Variants in HSPA13 observed in about 807,000 individuals in gnomAD.
The protein encoded by HSPA13 is heat shock 70 kDa protein 13.
A neutral mutation model predicts 38.8 loss-of-function variants in HSPA13; 29 were observed. That is an observed-to-expected ratio of 0.75 (90% CI 0.56 to 1.02). The LOEUF (loss-of-function observed/expected upper bound fraction) is 1.02. Ranked by LOEUF, HSPA13 falls within the 50% of genes least tolerant of loss-of-function variation. The probability of loss-of-function intolerance (pLI) is 0.00; values close to 1 mark genes in which losing one functional copy is unlikely to be tolerated. For missense variants in HSPA13, 451 were observed against 560.9 expected (o/e 0.80, Z 1.98); for synonymous variants, 192 against 205.3 (o/e 0.94, Z 0.56).
intron 3 of HSPA13, among the ~76,000 whole-genome samples, chr21:14,376,289 C>G (rs907609892): frequency 6.6e-6 from 1 of 151,958 alleles, no homozygotes; most frequent in Admixed American, 6.6e-5. Context: ...GGCGGGCGCC[C>G]GTAGTCCCAG....
intron 3 of HSPA13, among the ~76,000 whole-genome samples, chr21:14,376,145 A>G (rs2123523977): frequency 6.6e-6 from 1 of 152,354 alleles, no homozygotes; most frequent in South Asian, 2.1e-4. Flanking sequence ...CTACTTTGGA[A>G]TATATGAGCG....
rs571128314 is a variant in HSPA13, at chr21:14,378,732, G to C, written c.367-320C>G. On this transcript the variant is annotated intron_variant, in intron 2 of 4. Coordinates refer to ENST00000285667, the MANE Select transcript of HSPA13 (RefSeq NM_006948.5). The stretch of plus-strand genomic sequence containing the variant: ...CCTCCTGGGTTCAAGCGATTCTCCT[G>C]CCTCAGCTTCCCAAGTGGCTGGGAG... 3.3e-5 allele frequency among the ~76,000 whole-genome samples: 5 copies of C among 151,704 alleles called. No homozygotes were observed. The East Asian group carries it at 9.7e-4, about 30-fold the overall frequency.
At chr21:14,382,031 T>A (rs1334820108) in intron 1 of HSPA13, among the ~76,000 whole-genome samples, 1 of 152,226 alleles carries the variant, frequency 6.6e-6, no homozygotes, top group Non-Finnish European at 1.5e-5. Context: ...TCTCCTCGTA[T>A]CTCACCTCCT....
At chr21:14,380,344 AAG>A (rs1234248580) in intron 2 of HSPA13, among the ~76,000 whole-genome samples, 1 of 151,944 alleles carries the variant, frequency 6.6e-6, no homozygotes, top group Non-Finnish European at 1.5e-5. Context: ...CACTAAGGAA[AAG>A]AAAAACACAC....
chr21:14,374,336 T>C (rs1568721700), intron 4 of HSPA13, 52 bp from the exon 5 acceptor site: 1 of 1,264,554 alleles, frequency 7.9e-7, no homozygotes, highest in Non-Finnish European at 1.1e-6. Flanking sequence ...TGTGTATGTA[T>C]ACACGTATGT....
At chr21:14,375,554 G>A (rs761491973) in intron 4 of HSPA13, 98 bp downstream of exon 4, 17 of 686,518 alleles carry the variant, frequency 2.5e-5, no homozygotes, top group Non-Finnish European at 4.0e-5. Context: ...GGATGGTCTC[G>A]ATCTCCCCAT....
In HSPA13 at chr21:14,383,059, C is replaced by T. The variant is rs757596002; in HGVS notation, c.25+36G>A. On this transcript the variant is annotated intron_variant, in intron 1 of 4. Transcript: ENST00000285667. ...CTCTGGCATCCTCAGATCGCCTCTA[C>T]GCCCGCAAGAGCAACAAGGACCCCC... is the stretch of plus-strand genomic sequence containing the variant. The T allele has an allele frequency of 6.8e-6, 11 of 1,613,376 alleles. No homozygotes were observed. The East Asian group carries it at 2.5e-4, about 36-fold the overall frequency.
Position 14,372,948 on chromosome 21 carries a change from T to C in HSPA13, c.*669A>G, listed in dbSNP as rs12479. The stretch of plus-strand genomic sequence containing the variant: ...ACTAGAATATAATTGGGTATTTCTA[T>C]TATATGGTGCTGAAACATTTGAATA... On this transcript the variant is annotated 3_prime_UTR_variant, in exon 5 of 5. Coordinates refer to ENST00000285667, the MANE Select transcript of HSPA13 (RefSeq NM_006948.5). 0.76 allele frequency: 115,070 copies of C among 152,112 alleles called. 43,995 individuals carry two copies. Among genetic ancestry groups the C allele is most frequent in the African/African-American group, 0.84 (34,705 of 41,510 alleles). The allele number at this position is 152,112 out of a possible 1,614,324, so 9.4% of individuals were successfully genotyped here.
chr21:14,381,085 G>A, intron 2 of HSPA13, 118 bp downstream of exon 2: 1 of 758,136 alleles, frequency 1.3e-6, no homozygotes, highest in Non-Finnish European at 2.1e-6. Context: ...TGAGATAACA[G>A]AACTTTCATG....
rs769171893 is a variant in HSPA13, at chr21:14,373,747, G to T, written c.1286C>A (p.Ser429Tyr). ...QEFFGKDPNT[S>Y]VDPDLAVVTG... ...TACTACTGCTAGGTCAGGGTCTACAGATGTGTTGGGATCTTTTCCAAAGAA... is the reference window on the plus strand; with the variant it reads ...TACTACTGCTAGGTCAGGGTCTACATATGTGTTGGGATCTTTTCCAAAGAA... Residue 429 changes from serine (S) to tyrosine (Y), a missense_variant, in exon 5 of 5, where the codon TCT becomes TAT. Transcript: ENST00000285667. 2.2e-5 allele frequency: 36 copies of T among 1,614,072 alleles called. No individual in the cohort carries two copies. The highest frequency in any genetic ancestry group is 2.9e-5 in the Non-Finnish European group (34 of 1,180,038).
In HSPA13 at chr21:14,378,416, T is replaced by C. The variant is rs1470954383; in HGVS notation, c.367-4A>G. The C allele has an allele frequency of 3.1e-6, 5 of 1,595,268 alleles. No individual in the cohort carries two copies. Among genetic ancestry groups the C allele is most frequent in the Non-Finnish European group, 3.4e-6 (4 of 1,163,318 alleles). Reference sequence around the variant, plus strand: ...CCATTCCATTTTTGTTTAAAACCTGTGAATAGGATTTGCAAATAAGTAAAT... The same window carrying C: ...CCATTCCATTTTTGTTTAAAACCTGCGAATAGGATTTGCAAATAAGTAAAT... On this transcript the variant is annotated splice_region_variant and splice_polypyrimidine_tract_variant and intron_variant, in intron 2 of 4. Transcript: ENST00000285667.
intron 1 of HSPA13, among the ~76,000 whole-genome samples, chr21:14,381,896 A>G (rs1984179977): frequency 6.6e-6 from 1 of 152,224 alleles, no homozygotes; most frequent in Non-Finnish European, 1.5e-5. Context: ...ATATAATCTA[A>G]TATTCTTGAT....
At chr21:14,379,360 A>T (rs1984111282) in intron 2 of HSPA13, among the ~76,000 whole-genome samples, 1 of 152,212 alleles carries the variant, frequency 6.6e-6, no homozygotes, top group African/African-American at 2.4e-5. Context: ...CTAAGAAATT[A>T]TAAGAATGTT....
At chr21:14,376,149 A>C (rs574149393) in intron 3 of HSPA13, among the ~76,000 whole-genome samples, 83 of 152,350 alleles carry the variant, frequency 5.4e-4, no homozygotes, top group Middle Eastern at 6.8e-3. Flanking sequence ...TTTGGAATAT[A>C]TGAGCGATAA....
intron 1 of HSPA13, 81 bp downstream of exon 1, chr21:14,383,014 G>A (rs1279624538): frequency 6.0e-6 from 9 of 1,499,448 alleles, no homozygotes; most frequent in Non-Finnish European, 6.5e-6. Flanking sequence ...TCCAGGAGGT[G>A]AGTCAACCAC....
Position 14,378,188 on chromosome 21 carries a change from G to A in HSPA13, c.580+11C>T, listed in dbSNP as rs200500206. ...TTGAGAAAAATGCATCTCAGTCAAG[G>A]GTACTGTTACCTGCAAGGTTAGCAG... On this transcript the variant is annotated intron_variant, in intron 3 of 4. Coordinates refer to ENST00000285667, the MANE Select transcript of HSPA13 (RefSeq NM_006948.5). 13 of 1,602,756 alleles carry A rather than the reference G, an allele frequency of 8.1e-6. No individual in the cohort carries two copies. Among genetic ancestry groups the A allele is most frequent in the Non-Finnish European group, 1.0e-5 (12 of 1,169,966 alleles).
In HSPA13 at chr21:14,373,765, C is replaced by T. The variant is rs762637551; in HGVS notation, c.1268G>A (p.Gly423Glu). The change falls in exon 5 of 5, where the codon GGA (glycine) becomes GAA (glutamate). Residue 423 changes from glycine (G) to glutamate (E), a missense_variant. By Grantham distance (98) the Gly-to-Glu change is moderately conservative (BLOSUM62 -2). Coordinates refer to ENST00000285667, the MANE Select transcript of HSPA13 (RefSeq NM_006948.5). ...RIRQVIQEFF[G>E]KDPNTSVDPD... is the part of the protein sequence containing the mutation. ...GTCTACAGATGTGTTGGGATCTTTT[C>T]CAAAGAACTCTTGAATGACTTGACG... 6.2e-7 allele frequency: 1 copy of T among 1,614,180 alleles called. No individual in the cohort carries two copies. Among genetic ancestry groups the T allele is most frequent in the Non-Finnish European group, 8.5e-7 (1 of 1,180,046 alleles).
rs541117740 is a variant in HSPA13, at chr21:14,373,434, C to T, written c.*183G>A. The T allele has an allele frequency of 3.7e-5, 21 of 563,854 alleles. No individual in the cohort carries two copies. In the Middle Eastern group the frequency reaches 1.4e-3, roughly 38 times the overall value. 34.9% of individuals were successfully genotyped at this position (563,854 alleles called of 1,614,324 possible). ...AGAATAGGATCTCTCCAAAATCAAA[C>T]AGGATCAATCTGGTCACGTCTAATC... On this transcript the variant is annotated 3_prime_UTR_variant, in exon 5 of 5. Coordinates refer to ENST00000285667, the MANE Select transcript of HSPA13 (RefSeq NM_006948.5).
At chr21:14,378,624 C>CTT (rs11322033) in intron 2 of HSPA13, among the ~76,000 whole-genome samples, 22,727 of 145,384 alleles carry the variant, frequency 0.16, 1,930 homozygotes, top group Middle Eastern at 0.22. Flanking sequence ...ATTAGTTTTA[C>CTT]TTTTTTTTTT....
Sources: gnomAD v4.1 joint callset for allele counts (sites outside exome capture counted in the v4.1 genomes callset) on GRCh38, gnomAD v4.1.1 for gene constraint, MANE v1.5 for transcripts, NCBI Gene and HGNC (gene_info 2026-07-23, HGNC 2026-07-21) for gene names.